The following CNTNAP3B variants were observed in gnomAD, a reference collection of about 807,000 sequenced individuals.
The protein encoded by CNTNAP3B is contactin-associated protein-like 3B.
Under a neutral mutation model 108.9 loss-of-function variants are expected in CNTNAP3B, and 25 were observed. The observed-to-expected ratio is 0.23, with a 90% CI of 0.17 to 0.32. CNTNAP3B has a LOEUF of 0.32. Ranked by LOEUF, CNTNAP3B falls within the 10% of genes least tolerant of loss-of-function variation. The pLI, the probability that CNTNAP3B is intolerant of heterozygous loss-of-function variation, is 1.00. For missense variants in CNTNAP3B, 252 were observed against 1,210.4 expected, an observed-to-expected ratio of 0.21 and a Z score of 11.75; for synonymous variants, 103 against 473.4, an observed-to-expected ratio of 0.22 and a Z score of 10.16.
At chr9:42,118,673 C>G (rs1157128956) in intron 1 of CNTNAP3B, among the ~76,000 whole-genome samples, 1 of 110,530 alleles carries the variant, frequency 9.0e-6, no homozygotes, top group African/African-American at 3.7e-5. Context: ...AAGTTCTGGT[C>G]AGGGCAATCA....
intron 11 of CNTNAP3B, among the ~76,000 whole-genome samples, chr9:41,963,652 G>T (rs1389632276): frequency 6.6e-6 from 1 of 151,674 alleles, no homozygotes; most frequent in Non-Finnish European, 1.5e-5. Flanking sequence ...GTAGGTTTGG[G>T]TAAGGCCTGA....
At chr9:41,965,368 G>T (rs1355910547) in intron 10 of CNTNAP3B, among the ~76,000 whole-genome samples, 1 of 151,498 alleles carries the variant, frequency 6.6e-6, no homozygotes, top group Non-Finnish European at 1.5e-5. Context: ...ATCTGCTGCC[G>T]CCCACTATAA....
At chr9:41,931,088 A>G (rs1388891966) in intron 14 of CNTNAP3B, among the ~76,000 whole-genome samples, 1 of 152,290 alleles carries the variant, frequency 6.6e-6, no homozygotes, top group African/African-American at 2.4e-5. Flanking sequence ...CAGTTCTCAA[A>G]CCTTCTTTTG....
At chr9:42,085,860 T>A (rs1335551449) in intron 2 of CNTNAP3B, among the ~76,000 whole-genome samples, 1 of 144,344 alleles carries the variant, frequency 6.9e-6, no homozygotes, top group Non-Finnish European at 1.5e-5. Flanking sequence ...AACAATTAAG[T>A]ACATAAAGAA....
intron 3 of CNTNAP3B, among the ~76,000 whole-genome samples, chr9:42,076,278 T>C (rs1827486904): frequency 8.7e-6 from 1 of 115,552 alleles, no homozygotes; most frequent in Admixed American, 8.9e-5. Flanking sequence ...AAAAAAAAAT[T>C]AGCCAAGTGT....
At chr9:41,929,965 A>C (rs1203159528) in intron 14 of CNTNAP3B, among the ~76,000 whole-genome samples, 1 of 152,176 alleles carries the variant, frequency 6.6e-6, no homozygotes, top group Non-Finnish European at 1.5e-5. Flanking sequence ...AAAATCAAGA[A>C]GGTAACTTCC....
At chr9:41,921,710 T>C (rs1252895974) in intron 17 of CNTNAP3B, among the ~76,000 whole-genome samples, 127 of 152,132 alleles carry the variant, frequency 8.3e-4, no homozygotes, top group Non-Finnish European at 1.4e-3. Context: ...CTTCCAGAGC[T>C]ATCACCTTTA....
At chr9:42,017,077 T>C (rs1275377106) in intron 3 of CNTNAP3B, among the ~76,000 whole-genome samples, 224 of 148,230 alleles carry the variant, frequency 1.5e-3, no homozygotes, top group African/African-American at 5.1e-3. Flanking sequence ...TTTCATAACA[T>C]GTTCCTTAGG....
chr9:41,946,008 A>C (rs1824523707), intron 13 of CNTNAP3B, among the ~76,000 whole-genome samples: 1 of 152,292 alleles, frequency 6.6e-6, no homozygotes, highest in South Asian at 2.1e-4. Flanking sequence ...ATTACACAAT[A>C]ATAAAGGGGT....
At chr9:42,115,311 C>A (rs113595140) in intron 1 of CNTNAP3B, among the ~76,000 whole-genome samples, 1 of 130,442 alleles carries the variant, frequency 7.7e-6, no homozygotes, top group Non-Finnish European at 1.6e-5. Context: ...CCAGCATGAA[C>A]GACGCAGAAG....
At chr9:41,943,490 C>T (rs556489827) in intron 13 of CNTNAP3B, among the ~76,000 whole-genome samples, 593 of 151,886 alleles carry the variant, frequency 3.9e-3, no homozygotes, top group African/African-American at 0.014. Flanking sequence ...GTAGCTGGGA[C>T]TACAGGCGCC....
chr9:42,089,135 C>A, intron 2 of CNTNAP3B, among the ~76,000 whole-genome samples: 1 of 47,478 alleles, frequency 2.1e-5, no homozygotes. Context: ...CCCAGCTGTT[C>A]AGGGAAAGGG....
chr9:42,014,634 C>CA (rs1157085040), intron 3 of CNTNAP3B, among the ~76,000 whole-genome samples: 2 of 97,882 alleles, frequency 2.0e-5, no homozygotes, highest in Admixed American at 1.1e-4. Context: ...ACTAAAAATA[C>CA]AAAAAAATTA....
At chr9:41,933,304 C>T (rs1011369409) in intron 14 of CNTNAP3B, among the ~76,000 whole-genome samples, 3 of 152,294 alleles carry the variant, frequency 2.0e-5, no homozygotes, top group Non-Finnish European at 4.4e-5. Flanking sequence ...TATAAACAAC[C>T]TTCCTCTCTG....
At chr9:41,939,121 G>A (rs1460384646) in intron 13 of CNTNAP3B, among the ~76,000 whole-genome samples, 34 of 152,382 alleles carry the variant, frequency 2.2e-4, no homozygotes, top group Non-Finnish European at 3.4e-4. Flanking sequence ...TAGGACAAGG[G>A]ATGCTGCCAG....
At chr9:42,070,737 C>G (rs530656967) in intron 3 of CNTNAP3B, among the ~76,000 whole-genome samples, 106 of 152,242 alleles carry the variant, frequency 7.0e-4, no homozygotes, top group Non-Finnish European at 1.3e-3. Flanking sequence ...CGGCAGATCT[C>G]CAACCTCTGA....
In CNTNAP3B at chr9:41,934,098, T is replaced by TACATATATATATATATATAC. The variant is rs1824065968; in HGVS notation, c.2237+4145_2237+4146insGTATATATATATATATATGT. Among the ~76,000 whole-genome samples the TACATATATATATATATATAC allele has an allele frequency of 1.4e-4, 19 of 133,818 alleles. No individual in the cohort carries two copies. In the South Asian group the frequency reaches 2.0e-3, roughly 14 times the overall value. The allele number at this position is 133,818 out of a possible 152,430, so 87.8% of individuals were successfully genotyped here. A position where few individuals can be genotyped will look rare whatever the true frequency, so the allele number is the denominator to read the frequency against. On this transcript the variant is annotated intron_variant, in intron 14 of 23. Coordinates refer to ENST00000377561, the MANE Select transcript of CNTNAP3B (RefSeq NM_001201380.3). The stretch of plus-strand genomic sequence containing the variant: ...TGTCAATTTGCCTTTGCATATTTGT[T>TACATATATATATATATATAC]ACATATATATATATATATATATATA...
intron 1 of CNTNAP3B, among the ~76,000 whole-genome samples, chr9:42,118,215 C>T (rs1363254501): frequency 7.2e-6 from 1 of 139,462 alleles, no homozygotes; most frequent in East Asian, 2.2e-4. Flanking sequence ...CTGGCAGAGA[C>T]ACAAACAAAA....
At chr9:42,060,199 T>C (rs1299751332) in intron 3 of CNTNAP3B, among the ~76,000 whole-genome samples, 1 of 138,650 alleles carries the variant, frequency 7.2e-6, no homozygotes, top group Non-Finnish European at 1.5e-5. Flanking sequence ...TATATTGTCC[T>C]CTTTACAACC....
Sources: allele counts gnomAD v4.1 joint callset (sites outside exome capture counted in the v4.1 genomes callset), GRCh38; gene constraint gnomAD v4.1.1; transcripts MANE v1.5; gene names NCBI Gene and HGNC (gene_info 2026-07-23, HGNC 2026-07-21).